PHF3: variants seen among roughly 807,000 people sequenced by gnomAD.
PHF3 encodes the protein PHD finger protein 3.
Under a neutral mutation model 178.4 loss-of-function variants are expected in PHF3, and 41 were observed. The observed-to-expected ratio is 0.23, with a 90% CI of 0.18 to 0.30. PHF3 has a LOEUF of 0.30. Among genes scored for constraint, PHF3 ranks in the 10% least tolerant of loss-of-function variants. The pLI is 1.00. For missense variants in PHF3, 2,346 were observed against 2,398.1 expected (o/e 0.98, Z 0.45); for synonymous variants, 842 against 800.5 (o/e 1.05, Z -0.88).
Position 63,725,081 on chromosome 6 carries a change from C to T in PHF3, c.*11373C>T, listed in dbSNP as rs186313009. On this transcript the variant is annotated 3_prime_UTR_variant, in exon 16 of 16. Coordinates refer to ENST00000262043, the MANE Select transcript of PHF3 (RefSeq NM_001370348.2). ...CATCTGATAATTGTTTTTGGTTAAT[C>T]TAGGTTTAAGCATGTAGAACTTATA... 3.3e-5 allele frequency among the ~76,000 whole-genome samples: 5 copies of T among 152,094 alleles called. No homozygotes were observed. The highest frequency in any genetic ancestry group is 1.3e-4 in the Admixed American group (2 of 15,274).
At chr6:63,667,568 T>G (rs1765733400) in intron 2 of PHF3, among the ~76,000 whole-genome samples, 1 of 152,188 alleles carries the variant, frequency 6.6e-6, no homozygotes. Context: ...TAAGAAACAA[T>G]TTCCAGGTAT....
At chr6:63,703,964 TG>T (rs1025588908) in intron 11 of PHF3, among the ~76,000 whole-genome samples, 3 of 152,198 alleles carry the variant, frequency 2.0e-5, no homozygotes, top group Non-Finnish European at 4.4e-5. Flanking sequence ...TCAAACATTG[TG>T]GGCAGTTGTG....
intron 2 of PHF3, among the ~76,000 whole-genome samples, chr6:63,658,737 TG>T (rs1765343249): frequency 6.6e-6 from 1 of 151,228 alleles, no homozygotes; most frequent in South Asian, 2.1e-4. Context: ...TGTGTGTGTG[TG>T]TGTGTGTGTG....
At chr6:63,649,644 A>T (rs1326573162) in intron 2 of PHF3, among the ~76,000 whole-genome samples, 1 of 152,222 alleles carries the variant, frequency 6.6e-6, no homozygotes, top group Non-Finnish European at 1.5e-5. Context: ...GAAACATAGA[A>T]GATTACGTTT....
intron 10 of PHF3, among the ~76,000 whole-genome samples, chr6:63,702,843 A>G (rs1353034211): frequency 2.0e-5 from 3 of 152,170 alleles, no homozygotes; most frequent in Non-Finnish European, 4.4e-5. Flanking sequence ...CAGTTATTAC[A>G]GTGTAGATTC....
intron 2 of PHF3, among the ~76,000 whole-genome samples, chr6:63,674,256 TTGA>T (rs1322288867): frequency 2.3e-3 from 10 of 4,272 alleles, no homozygotes; most frequent in African/African-American, 5.1e-3. Flanking sequence ...GGAGAGACAT[TTGA>T]TGATATCTAA....
At chr6:63,707,329 G>A (rs1767737807) in intron 13 of PHF3, among the ~76,000 whole-genome samples, 1 of 152,222 alleles carries the variant, frequency 6.6e-6, no homozygotes, top group Non-Finnish European at 1.5e-5. Context: ...TGTGGTTTAT[G>A]TAGACTGGGA....
chr6:63,693,780 T>C (rs1767110212), intron 5 of PHF3, among the ~76,000 whole-genome samples: 3 of 152,244 alleles, frequency 2.0e-5, no homozygotes, highest in Non-Finnish European at 4.4e-5. Context: ...GTTGACTCTC[T>C]CTTGGACTTG....
chr6:63,716,819 A>G lies in PHF3; in HGVS notation c.*3111A>G, dbSNP rs1174917430. Among the ~76,000 whole-genome samples, 1 of 151,870 alleles carries G rather than the reference A, an allele frequency of 6.6e-6. No homozygotes were observed. The highest frequency in any genetic ancestry group is 1.5e-5 in the Non-Finnish European group (1 of 67,948). On this transcript the variant is annotated 3_prime_UTR_variant, in exon 16 of 16. Transcript: ENST00000262043. Reference sequence around the variant, plus strand: ...ACCTTCCCTTCTGATTCCCTCTTCTACTACAAAGGACCCTTGTGATTACAT... The same window carrying G: ...ACCTTCCCTTCTGATTCCCTCTTCTGCTACAAAGGACCCTTGTGATTACAT...
chr6:63,658,926 A>C (rs1044641665), intron 2 of PHF3, among the ~76,000 whole-genome samples: 1 of 152,076 alleles, frequency 6.6e-6, no homozygotes, highest in Admixed American at 6.6e-5. Flanking sequence ...TTGGAAGCAG[A>C]ATTTCTCTTA....
chr6:63,670,270 GT>G (rs1765856149), intron 2 of PHF3, among the ~76,000 whole-genome samples: 1 of 151,518 alleles, frequency 6.6e-6, no homozygotes, highest in South Asian at 2.1e-4. Flanking sequence ...TTGTTTTTTT[GT>G]TTTTTTGCTT....
At chr6:63,641,980 G>A (rs535482778) in intron 1 of PHF3, among the ~76,000 whole-genome samples, 10 of 151,970 alleles carry the variant, frequency 6.6e-5, no homozygotes, top group African/African-American at 1.9e-4. Context: ...ATCTTTTTGC[G>A]TTCTATTAAT....
At chr6:63,683,805 T>C (rs1245259008) in intron 3 of PHF3, among the ~76,000 whole-genome samples, 1 of 152,128 alleles carries the variant, frequency 6.6e-6, no homozygotes, top group African/African-American at 2.4e-5. Context: ...CTCATTTTAC[T>C]TACGTCACTC....
intron 1 of PHF3, among the ~76,000 whole-genome samples, chr6:63,644,168 A>G (rs555932486): frequency 6.6e-6 from 1 of 152,312 alleles, no homozygotes; most frequent in South Asian, 2.1e-4. Flanking sequence ...AAGGTTAGCC[A>G]TTTGTTTCTA....
intron 4 of PHF3, among the ~76,000 whole-genome samples, chr6:63,690,662 A>G (rs1766956912): frequency 6.6e-6 from 1 of 152,172 alleles, no homozygotes; most frequent in Non-Finnish European, 1.5e-5. Context: ...TTGTTAAAGT[A>G]CATACCTAAA....
rs189979920 is a variant in PHF3, at chr6:63,706,286, C to A, written c.3563+62C>A. On this transcript the variant is annotated intron_variant, in intron 12 of 15. Transcript: ENST00000262043. ...ATAGATCTTTGCCAGATTATACTTG[C>A]AAGTCTTCAAAAACAGAAAAGTGAC... 7.3e-4 allele frequency: 929 copies of A among 1,276,860 alleles called. 2 individuals are homozygous for A. In the Middle Eastern group the frequency reaches 0.01, roughly 14 times the overall value. The allele number at this position is 1,276,860 out of a possible 1,614,324, so 79.1% of individuals were successfully genotyped here. A position where few individuals can be genotyped will look rare whatever the true frequency, so the allele number is the denominator to read the frequency against.
At chr6:63,640,677 T>C (rs368982793) in intron 1 of PHF3, among the ~76,000 whole-genome samples, 1 of 152,204 alleles carries the variant, frequency 6.6e-6, no homozygotes, top group East Asian at 1.9e-4. Flanking sequence ...CAAACAACTT[T>C]TAGTTCCATC....
chr6:63,640,317 TC>T lies in PHF3; in HGVS notation c.-26+4168del, dbSNP rs1362231753. Among the ~76,000 whole-genome samples, 15 of 152,338 alleles carry T rather than the reference TC, an allele frequency of 9.8e-5. No individual in the cohort carries two copies. The East Asian group carries it at 2.9e-3, about 29-fold the overall frequency. ...ATGATTCATCTTTAGTGTTGTTATA[TC>T]ATAGTAGTTAAGAACTGACCTTAGT... On this transcript the variant is annotated intron_variant, in intron 1 of 15. Transcript: ENST00000262043.
rs1278779246 is a variant in PHF3 at position 63,718,898 on chromosome 6, A to G, written c.*5190A>G. Among the ~76,000 whole-genome samples the G allele has an allele frequency of 6.6e-6, 1 of 151,996 alleles. No individual in the cohort carries two copies. The highest frequency in any genetic ancestry group is 1.9e-4 in the East Asian group (1 of 5,196). On this transcript the variant is annotated 3_prime_UTR_variant, in exon 16 of 16. Coordinates refer to ENST00000262043, the MANE Select transcript of PHF3 (RefSeq NM_001370348.2). Reference sequence around the variant, plus strand: ...ATTTGATTACCAGCTGCCAAAAGGAATTTCTTCAGAGCATTTATCCTTATG... The same window carrying G: ...ATTTGATTACCAGCTGCCAAAAGGAGTTTCTTCAGAGCATTTATCCTTATG...
Sources: allele counts gnomAD v4.1 joint callset (sites outside exome capture counted in the v4.1 genomes callset), GRCh38; gene constraint gnomAD v4.1.1; transcripts MANE v1.5; gene names NCBI Gene and HGNC (gene_info 2026-07-23, HGNC 2026-07-21).